The following GK5 variants were observed in gnomAD, a reference collection of about 807,000 sequenced individuals.
The protein encoded by GK5 is glycerol kinase 5, also known as ATP:glycerol 3-phosphotransferase 5.
GK5 carries 39 observed loss-of-function variants against 77.3 expected under a neutral mutation model. The ratio of observed to expected loss-of-function variants is 0.50; its 90% CI spans 0.39 to 0.66. GK5 has a LOEUF of 0.66. GK5 is among the 30% of genes least tolerant of loss of function. The pLI is 0.00. For synonymous variants in GK5, 211 were observed against 208.0 expected (o/e 1.01, Z -0.13); for missense variants, 487 against 633.8 (o/e 0.77, Z 2.49).
intron 3 of GK5, 63 bp from the exon 4 acceptor site, chr3:142,204,851 C>A: frequency 1.1e-6 from 1 of 936,740 alleles, no homozygotes; most frequent in South Asian, 1.5e-5. Context: ...TAAAGATGTG[C>A]CATAAGAGAA....
intron 4 of GK5, among the ~76,000 whole-genome samples, chr3:142,203,358 T>C (rs2064056280): frequency 6.6e-6 from 1 of 152,244 alleles, no homozygotes; most frequent in Non-Finnish European, 1.5e-5. Context: ...GTTTCCATAT[T>C]AAATTAATAT....
intron 11 of GK5, among the ~76,000 whole-genome samples, chr3:142,177,927 C>T (rs1008654040): frequency 1.3e-5 from 2 of 148,954 alleles, no homozygotes; most frequent in Admixed American, 6.8e-5. Context: ...GGCGCAATCT[C>T]GGCTCACCGC....
intron 5 of GK5, among the ~76,000 whole-genome samples, chr3:142,191,911 C>G (rs1210734072): frequency 6.6e-6 from 1 of 151,986 alleles, no homozygotes; most frequent in Non-Finnish European, 1.5e-5. Context: ...GCAGGAAGCT[C>G]ACTTGAGCCC....
chr3:142,177,445 A>C (rs749568677), intron 12 of GK5, 37 bp downstream of exon 12: 1 of 1,211,150 alleles, frequency 8.3e-7, no homozygotes, highest in South Asian at 1.3e-5. Flanking sequence ...GAGGAGAAAA[A>C]TATTTGTGAT....
chr3:142,222,754 T>A, intron 1 of GK5, among the ~76,000 whole-genome samples: 1 of 152,000 alleles, frequency 6.6e-6, no homozygotes, highest in Admixed American at 6.6e-5. Flanking sequence ...AGAGTTAGAA[T>A]CTGTCTCTAA....
chr3:142,219,941 C>G (rs2064319394), intron 1 of GK5, among the ~76,000 whole-genome samples: 1 of 152,148 alleles, frequency 6.6e-6, no homozygotes, highest in South Asian at 2.1e-4. Flanking sequence ...TGCACTGCAG[C>G]CTGGGAGACA....
chr3:142,221,252 T>C (rs527732578), intron 1 of GK5, among the ~76,000 whole-genome samples: 56 of 152,242 alleles, frequency 3.7e-4, no homozygotes, highest in African/African-American at 1.3e-3. Context: ...ATTCTCCTTC[T>C]GTCAATTAAT....
Position 142,162,059 on chromosome 3 carries a change from CAA to C in GK5, c.*3561_*3562del, listed in dbSNP as rs2063429606. On this transcript the variant is annotated 3_prime_UTR_variant, in exon 16 of 16. Transcript: ENST00000392993. ...AAGTGATCCGCCTGCCTTGGCCTCC[CAA>C]AGTGCTAGGATTACAGGTGTGAGCC... 6.6e-6 allele frequency: 1 copy of C among 152,214 alleles called. No individual in the cohort carries two copies. The highest frequency in any genetic ancestry group is 2.1e-4 in the South Asian group (1 of 4,834). 9.4% of individuals were successfully genotyped at this position (152,214 alleles called of 1,614,324 possible).
intron 4 of GK5, among the ~76,000 whole-genome samples, chr3:142,199,191 T>TA (rs2063981427): frequency 6.6e-6 from 1 of 151,964 alleles, no homozygotes; most frequent in African/African-American, 2.4e-5. Flanking sequence ...ATAAACTTTT[T>TA]TAAAAAAAAA....
intron 5 of GK5, among the ~76,000 whole-genome samples, chr3:142,191,603 C>T (rs541455153): frequency 7.9e-5 from 12 of 151,834 alleles, no homozygotes; most frequent in Non-Finnish European, 1.2e-4. Flanking sequence ...TTTGGGAGGC[C>T]GAGGCAGGTG....
rs773005363 is a variant in GK5 at position 142,165,769 on chromosome 3, C to T, written c.1443G>A (p.Gly481=). The T allele has an allele frequency of 2.0e-5, 31 of 1,571,012 alleles. No individual in the cohort carries two copies. Among genetic ancestry groups the T allele is most frequent in the Non-Finnish European group, 2.6e-5 (30 of 1,165,310 alleles). ...TTAGTTCCTCCTTGTCAGTCCAAAA[C>T]CCTATAGATAAAAAAATTATCCTCA... ...GAASLAGLAV[G]FWTDKEELKK... is the part of the protein sequence containing the mutation. Residue 481 remains glycine, a splice_region_variant and synonymous_variant, in exon 16 of 16, where the codon GGG becomes GGA. Transcript: ENST00000392993.
At chr3:142,185,771 T>TAAA in intron 9 of GK5, 158 bp downstream of exon 9, 1 of 1,560,238 alleles carries the variant, frequency 6.4e-7, no homozygotes, top group South Asian at 1.2e-5. Flanking sequence ...GCAGATATTC[T>TAAA]GGTCATATCC....
At chr3:142,196,811 T>C (rs1306544876) in intron 5 of GK5, among the ~76,000 whole-genome samples, 1 of 152,218 alleles carries the variant, frequency 6.6e-6, no homozygotes, top group Non-Finnish European at 1.5e-5. Flanking sequence ...TTTCTATAAA[T>C]GTCTGTTAGG....
intron 4 of GK5, among the ~76,000 whole-genome samples, chr3:142,199,470 A>G (rs1458001960): frequency 2.0e-5 from 3 of 152,182 alleles, no homozygotes; most frequent in African/African-American, 7.2e-5. Flanking sequence ...TCATAATCTT[A>G]TATCTTAGCT....
At chr3:142,212,638 C>T (rs1274663843) in intron 3 of GK5, among the ~76,000 whole-genome samples, 1 of 152,102 alleles carries the variant, frequency 6.6e-6, no homozygotes, top group Non-Finnish European at 1.5e-5. Context: ...AGAATCTTGG[C>T]TCTATTTGCT....
intron 1 of GK5, among the ~76,000 whole-genome samples, chr3:142,217,329 G>A (rs2064287269): frequency 6.6e-6 from 1 of 151,902 alleles, no homozygotes; most frequent in African/African-American, 2.4e-5. Flanking sequence ...AAAAAAGAAA[G>A]TCATAAAAGA....
chr3:142,187,570 A>C (rs973056172), intron 6 of GK5, 134 bp downstream of exon 6: 2 of 654,558 alleles, frequency 3.1e-6, no homozygotes, highest in South Asian at 3.4e-5. Flanking sequence ...ACACCATTGC[A>C]CTCCCGCCTG....
chr3:142,219,963 T>C (rs1453166022), intron 1 of GK5, among the ~76,000 whole-genome samples: 4 of 152,158 alleles, frequency 2.6e-5, no homozygotes, highest in Admixed American at 6.5e-5. Flanking sequence ...AGGGAGACTG[T>C]CTCAATCAAT....
At chr3:142,209,243 A>T (rs1366584610) in intron 3 of GK5, among the ~76,000 whole-genome samples, 2 of 152,176 alleles carry the variant, frequency 1.3e-5, no homozygotes, top group African/African-American at 4.8e-5. Flanking sequence ...ATGGCAATGG[A>T]TCTCAGCTCT....
Sources: gnomAD v4.1 joint callset for allele counts (sites outside exome capture counted in the v4.1 genomes callset) on GRCh38, gnomAD v4.1.1 for gene constraint, MANE v1.5 for transcripts, NCBI Gene and HGNC (gene_info 2026-07-23, HGNC 2026-07-21) for gene names.